NRXN3: variants seen among roughly 807,000 people sequenced by gnomAD.
NRXN3 encodes neurexin III.
NRXN3 carries 32 observed loss-of-function variants against 137.6 expected under a neutral mutation model. That is an observed-to-expected ratio of 0.23 (90% CI 0.18 to 0.31). The LOEUF is 0.31. Among genes scored for constraint, NRXN3 ranks in the 10% least tolerant of loss-of-function variants. The pLI, the probability that NRXN3 is intolerant of heterozygous loss-of-function variation, is 1.00. For missense variants in NRXN3, 1,574 were observed against 2,062.5 expected, an observed-to-expected ratio of 0.76 and a Z score of 4.59; for synonymous variants, 798 against 784.5, an observed-to-expected ratio of 1.02 and a Z score of -0.29.
chr14:78,200,897 G>A (rs1427823642), intron 1 of NRXN3, among the ~76,000 whole-genome samples: 1 of 152,114 alleles, frequency 6.6e-6, no homozygotes, highest in Non-Finnish European at 1.5e-5. Context: ...ATAATTTTCT[G>A]GACCTAGGTT....
intron 19 of NRXN3, among the ~76,000 whole-genome samples, chr14:79,752,323 C>T (rs1303129107): frequency 1.1e-4 from 16 of 151,914 alleles, no homozygotes; most frequent in Admixed American, 4.6e-4. Flanking sequence ...GCCTATACTA[C>T]AAGGCTACAG....
At chr14:78,958,186 A>G (rs1396225961) in intron 11 of NRXN3, among the ~76,000 whole-genome samples, 1 of 152,052 alleles carries the variant, frequency 6.6e-6, no homozygotes, top group Non-Finnish European at 1.5e-5. Context: ...TGAGATTACA[A>G]TTTGTCAATC....
chr14:79,174,114 A>G (rs1167355012), intron 15 of NRXN3, among the ~76,000 whole-genome samples: 1 of 152,118 alleles, frequency 6.6e-6, no homozygotes, highest in African/African-American at 2.4e-5. Context: ...CTATGGGGAG[A>G]AGGGCAATAT....
intron 15 of NRXN3, among the ~76,000 whole-genome samples, chr14:79,372,292 A>G (rs1453694265): frequency 1.3e-5 from 2 of 152,168 alleles, no homozygotes; most frequent in African/African-American, 2.4e-5. Flanking sequence ...TTAGAAAGAT[A>G]AATTTCGGCA....
intron 10 of NRXN3, among the ~76,000 whole-genome samples, chr14:78,888,103 T>C (rs2099148714): frequency 6.6e-6 from 1 of 152,110 alleles, no homozygotes; most frequent in African/African-American, 2.4e-5. Context: ...TGCACTGACA[T>C]TTCAGAAAGA....
chr14:78,471,467 G>A (rs1012118953), intron 4 of NRXN3, among the ~76,000 whole-genome samples: 1 of 152,122 alleles, frequency 6.6e-6, no homozygotes, highest in African/African-American at 2.4e-5. Context: ...ACATTTTCTT[G>A]GTCTAACCTA....
chr14:78,701,714 A>T lies in NRXN3; in HGVS notation c.1222-7503A>T, dbSNP rs1416193307. On this transcript the variant is annotated intron_variant, in intron 6 of 20. Transcript: ENST00000335750. ...GAGTGTTGGATCACATAGAATTTTTAAAAATTAATTAACTGTCAACATTGT... is the reference window on the plus strand; with the variant it reads ...GAGTGTTGGATCACATAGAATTTTTTAAAATTAATTAACTGTCAACATTGT... Among the ~76,000 whole-genome samples the T allele has an allele frequency of 3.3e-5, 5 of 152,224 alleles. No individual in the cohort carries two copies. The South Asian group carries it at 6.2e-4, about 19-fold the overall frequency.
At chr14:78,842,047 T>C (rs1283001881) in intron 10 of NRXN3, among the ~76,000 whole-genome samples, 1 of 152,166 alleles carries the variant, frequency 6.6e-6, no homozygotes, top group Admixed American at 6.6e-5. Flanking sequence ...TCCTTTGCCT[T>C]GGGAATCAAA....
chr14:79,831,064 TTAGAGA>T (rs3830680), intron 20 of NRXN3, among the ~76,000 whole-genome samples: 46,573 of 151,568 alleles, frequency 0.31, 7,754 homozygotes, highest in Admixed American at 0.43. Flanking sequence ...GACAGTCCTA[TTAGAGA>T]TAGAGACCAC....
At chr14:78,785,034 C>T (rs2098784422) in intron 8 of NRXN3, among the ~76,000 whole-genome samples, 1 of 152,036 alleles carries the variant, frequency 6.6e-6, no homozygotes, top group South Asian at 2.1e-4. Context: ...ACTATGGTGC[C>T]ATTGAAAGTG....
At chr14:78,885,921 T>G (rs573100878) in intron 10 of NRXN3, among the ~76,000 whole-genome samples, 3 of 152,156 alleles carry the variant, frequency 2.0e-5, no homozygotes, top group African/African-American at 4.8e-5. Flanking sequence ...GGAAGGGATG[T>G]GAGGGTTTGC....
intron 10 of NRXN3, among the ~76,000 whole-genome samples, chr14:78,915,872 G>A (rs1235931290): frequency 6.6e-6 from 1 of 152,128 alleles, no homozygotes; most frequent in Non-Finnish European, 1.5e-5. Flanking sequence ...ACACTCAAGA[G>A]AGTGTCTTGA....
intron 15 of NRXN3, among the ~76,000 whole-genome samples, chr14:79,294,960 T>C (rs2083807113): frequency 6.6e-6 from 1 of 152,082 alleles, no homozygotes; most frequent in African/African-American, 2.4e-5. Context: ...TTCCTTAGCT[T>C]CTGTTTTTCC....
At chr14:78,352,820 G>C (rs2083731718) in intron 4 of NRXN3, among the ~76,000 whole-genome samples, 1 of 152,234 alleles carries the variant, frequency 6.6e-6, no homozygotes, top group Non-Finnish European at 1.5e-5. Flanking sequence ...GGGGCTTGCT[G>C]TCATCAGGAA....
intron 4 of NRXN3, among the ~76,000 whole-genome samples, chr14:78,536,284 C>T (rs1313909118): frequency 1.3e-5 from 2 of 152,310 alleles, no homozygotes; most frequent in East Asian, 3.9e-4. Context: ...AGACCTTCCT[C>T]AGTGAGCTAA....
In NRXN3 at chr14:78,243,032, A is replaced by T. The variant is rs1201852036; in HGVS notation, c.-62A>T. On this transcript the variant is annotated 5_prime_UTR_variant, in exon 2 of 21. Coordinates refer to ENST00000335750, the MANE Select transcript of NRXN3 (RefSeq NM_001330195.2). This position sits in a 1 kb window ranked among gnomAD's most constrained non-coding sequence, Gnocchi z 4.2. ...TTCCCACTTCTATTGCCAAAGGGAGAGATCCTCTCCGGGCTGTTCCCTGGC... is the reference window on the plus strand; with the variant it reads ...TTCCCACTTCTATTGCCAAAGGGAGTGATCCTCTCCGGGCTGTTCCCTGGC... 5 of 1,235,004 alleles carry T rather than the reference A, an allele frequency of 4.0e-6. No individual in the cohort carries two copies. The highest frequency in any genetic ancestry group is 5.5e-6 in the Non-Finnish European group (5 of 912,926). The allele number at this position is 1,235,004 out of a possible 1,614,324, so 76.5% of individuals were successfully genotyped here. A position where few individuals can be genotyped will look rare whatever the true frequency, so the allele number is the denominator to read the frequency against.
At chr14:78,506,366 C>G (rs2095990620) in intron 4 of NRXN3, among the ~76,000 whole-genome samples, 1 of 152,124 alleles carries the variant, frequency 6.6e-6, no homozygotes, top group Admixed American at 6.6e-5. Context: ...TTATTGCGAA[C>G]AGTGCTGCAA....
chr14:79,178,323 G>A (rs2062567549), intron 15 of NRXN3, among the ~76,000 whole-genome samples: 1 of 152,112 alleles, frequency 6.6e-6, no homozygotes, highest in Non-Finnish European at 1.5e-5. Context: ...TAAACCTTAA[G>A]CGTCTTGGCA....
At chr14:78,399,076 T>A (rs1052924196) in intron 4 of NRXN3, among the ~76,000 whole-genome samples, 3 of 152,198 alleles carry the variant, frequency 2.0e-5, no homozygotes, top group African/African-American at 7.2e-5. Context: ...AGGCCTTCTA[T>A]GGGGCTTTTT....
Sources: allele counts gnomAD v4.1 joint callset (sites outside exome capture counted in the v4.1 genomes callset), GRCh38; gene constraint gnomAD v4.1.1; non-coding constraint Gnocchi (gnomAD v3.1); transcripts MANE v1.5; gene names NCBI Gene and HGNC (gene_info 2026-07-23, HGNC 2026-07-21).